Variants in PEX5L observed in about 807,000 individuals in gnomAD.
PEX5L encodes PEX5-related protein.
A neutral mutation model predicts 84.0 loss-of-function variants in PEX5L; 30 were observed. That is an observed-to-expected ratio of 0.36 (90% confidence interval 0.27 to 0.48). PEX5L has a LOEUF of 0.48. Among genes scored for constraint, PEX5L ranks in the 20% least tolerant of loss-of-function variants. The pLI is 0.99. For synonymous variants in PEX5L, 270 were observed against 283.1 expected, an observed-to-expected ratio of 0.95 and a Z score of 0.46; for missense variants, 533 against 754.6, an observed-to-expected ratio of 0.71 and a Z score of 3.44.
intron 2 of PEX5L, among the ~76,000 whole-genome samples, chr3:179,925,815 ATCT>A (rs1332963899): frequency 6.6e-6 from 1 of 152,162 alleles, no homozygotes; most frequent in Non-Finnish European, 1.5e-5. Flanking sequence ...TTCTGCCCAA[ATCT>A]TCTTATTCAC....
intron 2 of PEX5L, among the ~76,000 whole-genome samples, chr3:179,911,892 T>C (rs1202906782): frequency 6.6e-6 from 1 of 152,102 alleles, no homozygotes; most frequent in Non-Finnish European, 1.5e-5. Context: ...ACTTTCAAAG[T>C]CTAAGAAAGG....
intron 14 of PEX5L, among the ~76,000 whole-genome samples, chr3:179,806,347 G>A (rs1399149485): frequency 6.6e-6 from 1 of 152,154 alleles, no homozygotes; most frequent in Non-Finnish European, 1.5e-5. Flanking sequence ...TGTAAACAGG[G>A]CCTCTGCAGT....
chr3:179,859,270 G>A (rs1421091577), intron 7 of PEX5L, 113 bp from the exon 8 acceptor site: 1 of 757,614 alleles, frequency 1.3e-6, no homozygotes, highest in Non-Finnish European at 2.2e-6. Context: ...AGAATCATCT[G>A]TGACTGATGA....
rs1289088499 is a variant in PEX5L, at chr3:180,010,005, G to A, written c.21+26574C>T. Among the ~76,000 whole-genome samples, 7 of 151,824 alleles carry A rather than the reference G, an allele frequency of 4.6e-5. No individual in the cohort carries two copies. The East Asian group carries it at 7.8e-4, about 17-fold the overall frequency. On this transcript the variant is annotated intron_variant, in intron 1 of 14. Coordinates refer to ENST00000467460, the MANE Select transcript of PEX5L (RefSeq NM_016559.3). ...GTTGCACAGGTTGAAGTGCAGTGGCGCGATCTCGACACACTGCAAGCTCCG... is the reference window on the plus strand; with the variant it reads ...GTTGCACAGGTTGAAGTGCAGTGGCACGATCTCGACACACTGCAAGCTCCG...
At chr3:179,995,802 G>A (rs913935099) in intron 1 of PEX5L, among the ~76,000 whole-genome samples, 6 of 152,144 alleles carry the variant, frequency 3.9e-5, no homozygotes, top group East Asian at 1.9e-4. Context: ...GACCTGCAAC[G>A]AAAGGTGCAT....
intron 1 of PEX5L, among the ~76,000 whole-genome samples, chr3:180,022,910 C>G (rs144090673): frequency 1.5e-4 from 23 of 152,234 alleles, no homozygotes; most frequent in Middle Eastern, 3.4e-3. Context: ...TGCAGAGTAT[C>G]GGTAAAGCTA....
intron 10 of PEX5L, among the ~76,000 whole-genome samples, chr3:179,813,821 C>T (rs1416642401): frequency 1.3e-5 from 2 of 152,004 alleles, no homozygotes; most frequent in Admixed American, 6.5e-5. Context: ...GGACTACAGG[C>T]GCCCGCCACC....
At chr3:179,889,607 C>T (rs537210447) in intron 3 of PEX5L, among the ~76,000 whole-genome samples, 90 of 152,202 alleles carry the variant, frequency 5.9e-4, no homozygotes, top group African/African-American at 1.6e-3. Flanking sequence ...TGTATAAAAC[C>T]TCGCAGATTT....
chr3:179,845,368 G>A (rs1358813649), intron 8 of PEX5L, among the ~76,000 whole-genome samples: 1 of 152,136 alleles, frequency 6.6e-6, no homozygotes. Flanking sequence ...TGTGGCTCAT[G>A]TATGGTATGA....
chr3:179,973,516 C>G (rs996553864), intron 1 of PEX5L: 8 of 959,388 alleles, frequency 8.3e-6, no homozygotes, highest in Non-Finnish European at 9.9e-6. Flanking sequence ...TTTAAAAAAT[C>G]TACCTATTTT....
chr3:179,893,394 T>A (rs1758207795), intron 3 of PEX5L, among the ~76,000 whole-genome samples: 1 of 152,190 alleles, frequency 6.6e-6, no homozygotes, highest in African/African-American at 2.4e-5. Context: ...AAAGATGTTT[T>A]GCTTTTAAAT....
intron 2 of PEX5L, among the ~76,000 whole-genome samples, chr3:179,899,357 T>C (rs1387593245): frequency 6.6e-6 from 1 of 152,140 alleles, no homozygotes; most frequent in East Asian, 1.9e-4. Flanking sequence ...GATATGAATA[T>C]TTGTGTTGTA....
In PEX5L at chr3:179,940,847, C is replaced by T. The variant is rs112844870; in HGVS notation, c.93+30747G>A. Among the ~76,000 whole-genome samples the T allele has an allele frequency of 4.7e-3, 717 of 152,194 alleles. 14 individuals carry two copies. Among genetic ancestry groups the T allele is most frequent in the African/African-American group, 0.016 (677 of 41,520 alleles). ...AGTCCAAAATAAGGATCTTCTAGCA[C>T]GAAAAGAGAAATAAGTGACCTTTTA... On this transcript the variant is annotated intron_variant, in intron 2 of 14. Transcript: ENST00000467460.
intron 1 of PEX5L, among the ~76,000 whole-genome samples, chr3:180,035,765 C>G (rs9866193): frequency 0.32 from 49,308 of 152,038 alleles, 10,085 homozygotes; most frequent in African/African-American, 0.59. Context: ...ATGACTAAAC[C>G]ATTTAGGTGC....
chr3:179,871,666 A>G (rs948057058), intron 7 of PEX5L, among the ~76,000 whole-genome samples: 2 of 152,164 alleles, frequency 1.3e-5, no homozygotes, highest in African/African-American at 4.8e-5. Context: ...CAATTGTTCA[A>G]ATCGTGTTCA....
At chr3:179,909,622 C>A (rs1409621221) in intron 2 of PEX5L, among the ~76,000 whole-genome samples, 2 of 152,132 alleles carry the variant, frequency 1.3e-5, no homozygotes, top group Non-Finnish European at 2.9e-5. Context: ...TGTGTACTCC[C>A]AAAATCATAG....
chr3:179,876,857 G>T (rs765599020), intron 5 of PEX5L, among the ~76,000 whole-genome samples: 13 of 152,222 alleles, frequency 8.5e-5, no homozygotes, highest in Non-Finnish European at 1.9e-4. Context: ...CAAAATGCTT[G>T]GGACCAGGAG....
At chr3:179,836,653 A>G (rs889071740) in intron 8 of PEX5L, among the ~76,000 whole-genome samples, 6 of 152,208 alleles carry the variant, frequency 3.9e-5, no homozygotes, top group Non-Finnish European at 7.3e-5. Flanking sequence ...AATTTTTAGA[A>G]TTAGGTAGAC....
intron 1 of PEX5L, among the ~76,000 whole-genome samples, chr3:180,007,028 C>T (rs925650341): frequency 6.6e-5 from 10 of 152,174 alleles, no homozygotes; most frequent in South Asian, 4.1e-4. Context: ...TAACTCATTT[C>T]GGCATTAACC....
Sources: allele counts gnomAD v4.1 joint callset (sites outside exome capture counted in the v4.1 genomes callset), GRCh38; gene constraint gnomAD v4.1.1; transcripts MANE v1.5; gene names NCBI Gene and HGNC (gene_info 2026-07-23, HGNC 2026-07-21).